Variants in POLD1 observed in about 807,000 individuals in gnomAD.
POLD1 encodes DNA polymerase delta catalytic subunit.
A neutral mutation model predicts 129.7 loss-of-function variants in POLD1; 79 were observed. The observed-to-expected ratio is 0.61, with a 90% confidence interval of 0.51 to 0.73. The LOEUF (loss-of-function observed/expected upper bound fraction) is 0.73, where lower values mean the gene tolerates loss of function less well. Among genes scored for constraint, POLD1 ranks in the 30% least tolerant of loss-of-function variants. POLD1 has a pLI of 0.00. For synonymous variants in POLD1, 714 were observed against 683.3 expected (o/e 1.04, Z -0.70); for missense variants, 1,338 against 1,595.8 (o/e 0.84, Z 2.75).
In POLD1 at chr19:50,413,729, C is replaced by A. The variant is rs2122445024; in HGVS notation, c.2251-13C>A. The A allele has an allele frequency of 1.3e-6, 2 of 1,589,030 alleles. No homozygotes were observed. The highest frequency in any genetic ancestry group is 1.7e-6 in the Non-Finnish European group (2 of 1,169,374). On this transcript the variant is annotated splice_polypyrimidine_tract_variant and intron_variant, in intron 18 of 26. Coordinates refer to ENST00000440232, the MANE Select transcript of POLD1 (RefSeq NM_002691.4). ...CCCTGCTTCTCACATACACACATCC[C>A]CACCGCCCGCAGGTGGTGTATGGTG...
At position 50,416,754 on chromosome 19, in the gene POLD1, G is replaced by A. The variant is rs1385189291; in HGVS notation, c.3067+31G>A. 9.6e-6 allele frequency: 14 copies of A among 1,460,828 alleles called. No individual in the cohort carries two copies. The highest frequency in any genetic ancestry group is 1.3e-5 in the Non-Finnish European group (14 of 1,081,384). 90.5% of individuals were successfully genotyped at this position (1,460,828 alleles called of 1,614,324 possible). ...CGGCCCTGGCCACTGGGCCCCCACTGGCCCTCAACCTGCTCTGCCGTCACC... is the reference window on the plus strand; with the variant it reads ...CGGCCCTGGCCACTGGGCCCCCACTAGCCCTCAACCTGCTCTGCCGTCACC... On this transcript the variant is annotated intron_variant, in intron 24 of 26. Transcript: ENST00000440232.
intron 10 of POLD1, among the ~76,000 whole-genome samples, chr19:50,403,808 T>TA (rs1452130751): frequency 6.6e-6 from 1 of 152,212 alleles, no homozygotes; most frequent in Non-Finnish European, 1.5e-5. Flanking sequence ...AGGAGGGCGT[T>TA]ACGGTGGAGT....
chr19:50,409,824 A>G lies in POLD1; in HGVS notation c.2154+158A>G, dbSNP rs1209155656. 6.6e-6 allele frequency among the ~76,000 whole-genome samples: 1 copy of G among 152,188 alleles called. No individual in the cohort carries two copies. The highest frequency in any genetic ancestry group is 1.9e-4 in the East Asian group (1 of 5,188). On this transcript the variant is annotated intron_variant, in intron 17 of 26. Transcript: ENST00000440232. The surrounding 1 kb of genome is among the most constrained non-coding windows in gnomAD (Gnocchi z 5.8). ...CCAATGTGGCTTGAGCAATTGGTCCATTCCTTCACTCAGCAAATGCCTACT... is the reference window on the plus strand; with the variant it reads ...CCAATGTGGCTTGAGCAATTGGTCCGTTCCTTCACTCAGCAAATGCCTACT...
At chr19:50,389,672 T>G (rs1316373133) in intron 1 of POLD1, among the ~76,000 whole-genome samples, 2 of 147,932 alleles carry the variant, frequency 1.4e-5, no homozygotes, top group Admixed American at 1.3e-4. Flanking sequence ...CTGCAACCTC[T>G]GCCTCCTGGG....
At position 50,413,744 on chromosome 19, in the gene POLD1, G is replaced by C. The variant is rs2122445676; in HGVS notation, c.2253G>C (p.Val751=). The part of the protein sequence containing the change: ...VENGYSTSAK[V]VYGDTDSVMC... ...ACACACATCCCCACCGCCCGCAGGT[G>C]GTGTATGGTGACACTGACTCCGTCA... is the stretch of plus-strand genomic sequence containing the variant. The change falls in exon 19 of 27, where the codon GTG becomes GTC. Residue 751 remains valine, a splice_region_variant and synonymous_variant. Coordinates refer to ENST00000440232, the MANE Select transcript of POLD1 (RefSeq NM_002691.4). 6.2e-7 allele frequency: 1 copy of C among 1,602,616 alleles called. No homozygotes were observed. Among genetic ancestry groups the C allele is most frequent in the Non-Finnish European group, 8.5e-7 (1 of 1,175,532 alleles).
rs878854538 is a variant in POLD1, at chr19:50,414,941, C to A, written c.2515C>A (p.Leu839Ile). The change falls in exon 20 of 27, where the codon CTC becomes ATC. Residue 839 changes from leucine to isoleucine, a missense_variant. Around this residue, in one of 3 missense-constraint regions of POLD1, gnomAD observed 720 missense variants for 1,002.6 expected, o/e 0.72. Transcript: ENST00000440232. ...LEAVRRDNCP[L>I]VANLVTASLR... is the part of the protein sequence containing the mutation. ...GGCCGTGCGCAGGGACAACTGCCCC[C>A]TCGTGGCCAACCTGGTCACTGCCTC... 1.2e-6 allele frequency: 2 copies of A among 1,608,842 alleles called. No individual in the cohort carries two copies. Among genetic ancestry groups the A allele is most frequent in the Non-Finnish European group, 1.7e-6 (2 of 1,176,998 alleles).
intron 8 of POLD1, 137 bp from the exon 9 acceptor site, chr19:50,402,916 G>T: frequency 7.5e-7 from 1 of 1,330,194 alleles, no homozygotes; most frequent in Non-Finnish European, 1.0e-6. Context: ...GGAGGTGAGA[G>T]CAGAGCAGGA....
rs199993010 is a variant in POLD1 at position 50,401,832 on chromosome 19, T to C, written c.371T>C (p.Val124Ala). Residue 124 changes from valine to alanine, a missense_variant, in exon 4 of 27, where the codon GTG becomes GCG. By Grantham distance (64) the Val-to-Ala change is moderately conservative (BLOSUM62 0). Transcript: ENST00000440232. ...GPPPSRGSVP[V>A]LRAFGVTDEG... The stretch of plus-strand genomic sequence containing the variant: ...CCACCATCCCGCGGCTCCGTGCCTG[T>C]GCTCCGCGCCTTCGGGGTCACCGAT... The C allele has an allele frequency of 9.9e-5, 160 of 1,613,860 alleles. No individual in the cohort carries two copies. In the East Asian group the frequency reaches 2.0e-3, roughly 20 times the overall value.
chr19:50,413,626 C>T, intron 18 of POLD1, 105 bp downstream of exon 18: 2 of 1,528,970 alleles, frequency 1.3e-6, no homozygotes, highest in Non-Finnish European at 1.8e-6. Flanking sequence ...ACACCCTGCC[C>T]ACTCTCCTGT....
At chr19:50,410,395 A>G (rs2039049362) in intron 17 of POLD1, among the ~76,000 whole-genome samples, 1 of 151,836 alleles carries the variant, frequency 6.6e-6, no homozygotes, top group Admixed American at 6.6e-5. Flanking sequence ...CTGGCTGGGC[A>G]CTGCGCCACT....
chr19:50,414,725 G>A (rs1391985517), intron 19 of POLD1, 90 bp from the exon 20 acceptor site: 2 of 1,099,606 alleles, frequency 1.8e-6, no homozygotes, highest in East Asian at 2.7e-5. Flanking sequence ...CTGCGTCTGG[G>A]ACCCTGTCTA....
intron 1 of POLD1, among the ~76,000 whole-genome samples, chr19:50,391,874 A>G (rs963548750): frequency 6.6e-6 from 1 of 151,682 alleles, no homozygotes; most frequent in African/African-American, 2.4e-5. Flanking sequence ...CACCATGACA[A>G]GCTAATTTTT....
In POLD1 at chr19:50,409,019, T is replaced by C; in HGVS notation, c.1893-103T>C. ...GAGATAGTAGGGAGTGGAGGGGTGC[T>C]TGAGGGGCCTGCGTGTGCTCATGGC... is the stretch of plus-strand genomic sequence containing the variant. On this transcript the variant is annotated intron_variant, in intron 15 of 26. Coordinates refer to ENST00000440232, the MANE Select transcript of POLD1 (RefSeq NM_002691.4). This position sits in a 1 kb window ranked among gnomAD's most constrained non-coding sequence, Gnocchi z 5.8. 7.6e-7 allele frequency: 1 copy of C among 1,324,242 alleles called. No individual in the cohort carries two copies. Among genetic ancestry groups the C allele is most frequent in the Non-Finnish European group, 1.1e-6 (1 of 931,454 alleles). The allele number at this position is 1,324,242 out of a possible 1,614,324, so 82.0% of individuals were successfully genotyped here. A position where few individuals can be genotyped will look rare whatever the true frequency, so the allele number is the denominator to read the frequency against.
At position 50,407,202 on chromosome 19, in the gene POLD1, C is replaced by T. The variant is rs201755787; in HGVS notation, c.1686+28C>T. On this transcript the variant is annotated intron_variant, in intron 13 of 26. Transcript: ENST00000440232. ...CAGTAGCCGAGACTTGTCCTCGCCA[C>T]CCCCCACCAGGCACGTCTGTGGCCC... 3.5e-4 allele frequency: 549 copies of T among 1,575,544 alleles called. 2 individuals carry two copies. Among genetic ancestry groups the T allele is most frequent in the Non-Finnish European group, 4.6e-4 (527 of 1,153,104 alleles).
At chr19:50,397,077 C>T (rs151058434) in intron 1 of POLD1, among the ~76,000 whole-genome samples, 3,037 of 116,374 alleles carry the variant, frequency 0.026, 60 homozygotes, top group East Asian at 0.07. Flanking sequence ...GGTGACAGAG[C>T]GAGACTCCAT....
rs140379348 is a variant in POLD1 at position 50,407,005 on chromosome 19, G to A, written c.1517G>A (p.Arg506His). 27 of 1,415,524 alleles carry A rather than the reference G, an allele frequency of 1.9e-5. No individual in the cohort carries two copies. Among genetic ancestry groups the A allele is most frequent in the East Asian group, 7.2e-5 (2 of 27,696 alleles). 87.7% of individuals were successfully genotyped at this position (1,415,524 alleles called of 1,614,324 possible). Residue 506 changes from arginine (R) to histidine (H), a missense_variant, in exon 13 of 27, where the codon CGC becomes CAC. Physicochemically the swap from Arg to His is conservative, Grantham distance 29. This residue lies in a region of POLD1 where 720 missense variants were observed against 1,002.6 expected (regional missense o/e 0.72). Transcript: ENST00000440232. ...DLQNGNDQTR[R>H]RLAVYCLKDA... ...CAGAATGGGAACGACCAGACCCGCC[G>A]CCGCCTGGCTGTGTACTGCCTGAAG...
At chr19:50,395,955 C>T (rs892802557) in intron 1 of POLD1, among the ~76,000 whole-genome samples, 4 of 135,454 alleles carry the variant, frequency 3.0e-5, no homozygotes, top group Non-Finnish European at 6.1e-5. Flanking sequence ...TGGGCTCAAG[C>T]GATCCTCCCA....
Position 50,402,739 on chromosome 19 carries a change from A to G in POLD1, c.968A>G (p.Lys323Arg), listed in dbSNP as rs1060501828. The G allele has an allele frequency of 1.9e-6, 3 of 1,590,334 alleles. No individual in the cohort carries two copies. Among genetic ancestry groups the G allele is most frequent in the South Asian group, 1.1e-5 (1 of 89,936 alleles). Residue 323 changes from lysine to arginine, a missense_variant and splice_region_variant, in exon 8 of 27, where the codon AAA (lysine) becomes AGA (arginine). Physicochemically the swap from Lys to Arg is conservative, Grantham distance 26. Transcript: ENST00000440232. ...TTCGATATCGAGTGCGCCGGCCGCA[A>G]AGGTCTGTCCCCGGGCCCGGGCTCC... ...LSFDIECAGR[K>R]GIFPEPERDP...
chr19:50,396,103 TTGA>T (rs2038355968), intron 1 of POLD1, among the ~76,000 whole-genome samples: 1 of 149,600 alleles, frequency 6.7e-6, no homozygotes, highest in African/African-American at 2.5e-5. Flanking sequence ...GTTTTTTTTT[TTGA>T]GACAGAATAT....
Sources: allele counts gnomAD v4.1 joint callset (sites outside exome capture counted in the v4.1 genomes callset), GRCh38; gene constraint gnomAD v4.1.1; regional missense constraint gnomAD v4.1.1; non-coding constraint Gnocchi (gnomAD v3.1); transcripts MANE v1.5; gene names NCBI Gene and HGNC (gene_info 2026-07-23, HGNC 2026-07-21).